Variants in ADGRB3 observed in about 807,000 individuals in gnomAD.
ADGRB3 encodes adhesion G protein-coupled receptor B3, also known as brain-specific angiogenesis inhibitor 3.
In ADGRB3, 37 loss-of-function variants were observed where a neutral mutation model predicts 193.4. The observed-to-expected ratio is 0.19, with a 90% CI of 0.15 to 0.25. The LOEUF (loss-of-function observed/expected upper bound fraction) is 0.25. Ranked by LOEUF, ADGRB3 falls within the 10% of genes least tolerant of loss-of-function variation. The pLI, the probability that ADGRB3 is intolerant of heterozygous loss-of-function variation, is 1.00. For synonymous variants in ADGRB3, 690 were observed against 644.2 expected (o/e 1.07, Z -1.08); for missense variants, 1,637 against 1,852.9 (o/e 0.88, Z 2.14).
intron 3 of ADGRB3, among the ~76,000 whole-genome samples, chr6:68,884,230 A>G (rs894881626): frequency 6.6e-6 from 1 of 152,176 alleles, no homozygotes; most frequent in Non-Finnish European, 1.5e-5. Context: ...CACTTCGTTC[A>G]TGTAAGGCAC....
At chr6:69,048,109 G>T in intron 13 of ADGRB3, 76 bp from the exon 14 acceptor site, 1 of 1,431,088 alleles carries the variant, frequency 7.0e-7, no homozygotes, top group Non-Finnish European at 9.6e-7. Flanking sequence ...TATACTGCAA[G>T]ATTTACCTTG....
At chr6:69,098,397 C>T (rs1251708864) in intron 17 of ADGRB3, among the ~76,000 whole-genome samples, 1 of 152,178 alleles carries the variant, frequency 6.6e-6, no homozygotes, top group African/African-American at 2.4e-5. Flanking sequence ...GGGCTCCCAA[C>T]TAATGACTAC....
In ADGRB3 at chr6:68,843,172, C is replaced by G. The variant is rs187748346; in HGVS notation, c.758-87387C>G. 2.2e-3 allele frequency among the ~76,000 whole-genome samples: 339 copies of G among 151,778 alleles called. 3 individuals carry two copies. Among genetic ancestry groups the G allele is most frequent in the African/African-American group, 7.7e-3 (318 of 41,436 alleles). On this transcript the variant is annotated intron_variant, in intron 3 of 31. Transcript: ENST00000370598. ...TGTCATTCAATATAGTACTGGAAGT[C>G]CTATCTAGAGCAATCAGAAAAGAGA...
At chr6:69,193,378 T>C (rs1450273588) in intron 17 of ADGRB3, among the ~76,000 whole-genome samples, 1 of 152,208 alleles carries the variant, frequency 6.6e-6, no homozygotes, top group Non-Finnish European at 1.5e-5. Context: ...CTGTTCTCAC[T>C]TGTTGTCTTG....
At position 69,023,205 on chromosome 6, in the gene ADGRB3, A is replaced by G. The variant is rs7772760; in HGVS notation, c.2107+4706A>G. Among the ~76,000 whole-genome samples the G allele has an allele frequency of 9.0e-3, 1,366 of 152,258 alleles. 31 individuals carry two copies. The highest frequency in any genetic ancestry group is 0.031 in the African/African-American group (1,307 of 41,590). On this transcript the variant is annotated intron_variant, in intron 13 of 31. Transcript: ENST00000370598. Reference sequence around the variant, plus strand: ...GCTGAATGACTCAGGTCATTAAAATAAATGTCTAATCTTCTAGCCTGCAAG... The same window carrying G: ...GCTGAATGACTCAGGTCATTAAAATGAATGTCTAATCTTCTAGCCTGCAAG...
intron 10 of ADGRB3, among the ~76,000 whole-genome samples, chr6:68,991,570 CAA>C (rs112438239): frequency 1.5e-4 from 19 of 126,538 alleles, no homozygotes; most frequent in Admixed American, 2.4e-4. Context: ...CTCGCTCCCA[CAA>C]AAAAAAAAAA....
At chr6:69,378,959 T>C (rs1320140832) in intron 30 of ADGRB3, among the ~76,000 whole-genome samples, 2 of 152,006 alleles carry the variant, frequency 1.3e-5, no homozygotes, top group African/African-American at 4.8e-5. Context: ...TTCTCTTGCA[T>C]TTAAAATGTA....
At chr6:69,120,296 T>C (rs1773647882) in intron 17 of ADGRB3, among the ~76,000 whole-genome samples, 1 of 152,218 alleles carries the variant, frequency 6.6e-6, no homozygotes, top group South Asian at 2.1e-4. Context: ...TAGAAATGCA[T>C]ACTTTGGGTC....
At chr6:68,667,140 T>G (rs1394668410) in intron 3 of ADGRB3, among the ~76,000 whole-genome samples, 1 of 151,876 alleles carries the variant, frequency 6.6e-6, no homozygotes, top group East Asian at 1.9e-4. Flanking sequence ...AAATGTAATG[T>G]AACTTTTATA....
chr6:69,377,648 C>A (rs376977166), intron 30 of ADGRB3, among the ~76,000 whole-genome samples: 1 of 152,168 alleles, frequency 6.6e-6, no homozygotes, highest in African/African-American at 2.4e-5. Context: ...GATTTCCAGA[C>A]CTCATACTAT....
At chr6:69,286,302 C>T (rs1383841693) in intron 20 of ADGRB3, among the ~76,000 whole-genome samples, 1 of 152,012 alleles carries the variant, frequency 6.6e-6, no homozygotes, top group African/African-American at 2.4e-5. Context: ...ATCTGCACTC[C>T]CTTCCCTTCT....
intron 3 of ADGRB3, among the ~76,000 whole-genome samples, chr6:68,647,808 T>C (rs529438686): frequency 1.3e-5 from 2 of 152,286 alleles, no homozygotes; most frequent in African/African-American, 4.8e-5. Flanking sequence ...TGAAAAGAAA[T>C]TATCTTGAAA....
chr6:68,806,814 A>G (rs1019117625), intron 3 of ADGRB3, among the ~76,000 whole-genome samples: 3 of 152,080 alleles, frequency 2.0e-5, no homozygotes, highest in East Asian at 1.9e-4. Flanking sequence ...ATAATTTTAG[A>G]GTAGTTCCTA....
At chr6:69,044,034 C>G (rs541880571) in intron 13 of ADGRB3, among the ~76,000 whole-genome samples, 1 of 151,966 alleles carries the variant, frequency 6.6e-6, no homozygotes, top group Non-Finnish European at 1.5e-5. Context: ...GAGCGAGACT[C>G]CGTCTCAAAA....
chr6:69,177,782 T>C (rs1200459414), intron 17 of ADGRB3, among the ~76,000 whole-genome samples: 1 of 152,248 alleles, frequency 6.6e-6, no homozygotes, highest in East Asian at 1.9e-4. Context: ...ATTTTTATTC[T>C]ACCATGGTCT....
intron 13 of ADGRB3, among the ~76,000 whole-genome samples, chr6:69,040,365 CTTTCT>C (rs1771011471): frequency 1.5e-5 from 1 of 68,856 alleles, no homozygotes; most frequent in Non-Finnish European, 2.9e-5. Context: ...TTCTTTCTTT[CTTTCT>C]TTCTTTCCTT....
At chr6:68,726,607 G>A (rs979295539) in intron 3 of ADGRB3, among the ~76,000 whole-genome samples, 1 of 151,520 alleles carries the variant, frequency 6.6e-6, no homozygotes, top group African/African-American at 2.4e-5. Flanking sequence ...CCTTTATTTG[G>A]AGGGCTTGGT....
chr6:69,233,289 G>A lies in ADGRB3; in HGVS notation c.2481-1G>A. The A allele has an allele frequency of 6.2e-7, 1 of 1,613,456 alleles. No homozygotes were observed. The highest frequency in any genetic ancestry group is 8.5e-7 in the Non-Finnish European group (1 of 1,179,758). The stretch of plus-strand genomic sequence containing the variant: ...TCCTCCCCCCTCACTCCCCTTTGCA[G>A]GAACGAGTCTTTGGGAACGTGGTCC... On this transcript the variant is annotated splice_acceptor_variant, in intron 17 of 31. Coordinates refer to ENST00000370598, the MANE Select transcript of ADGRB3 (RefSeq NM_001704.3). LOFTEE classifies it high-confidence loss of function.
chr6:68,942,264 A>ATATTTAC (rs1197958483), intron 5 of ADGRB3, among the ~76,000 whole-genome samples: 31 of 152,176 alleles, frequency 2.0e-4, no homozygotes, highest in Non-Finnish European at 1.5e-4. Context: ...TAGATGTATT[A>ATATTTAC]TATTTACTTG....
Sources: allele counts gnomAD v4.1 joint callset (sites outside exome capture counted in the v4.1 genomes callset), GRCh38; gene constraint gnomAD v4.1.1; transcripts MANE v1.5; gene names NCBI Gene and HGNC (gene_info 2026-07-23, HGNC 2026-07-21).